The following PLA2G6 variants were observed in gnomAD, a reference collection of about 807,000 sequenced individuals.
The protein encoded by PLA2G6 is phospholipase A2 group VI, also known as 85/88 kDa calcium-independent phospholipase A2.
A neutral mutation model predicts 83.8 loss-of-function variants in PLA2G6; 62 were observed. The ratio of observed to expected loss-of-function variants is 0.74; its 90% CI spans 0.60 to 0.91. The LOEUF (loss-of-function observed/expected upper bound fraction) is 0.91. Among genes scored for constraint, PLA2G6 ranks in the 40% least tolerant of loss-of-function variants. The pLI is 0.00. For missense variants in PLA2G6, 944 were observed against 1,102.0 expected (o/e 0.86, Z 2.03); for synonymous variants, 417 against 449.8 (o/e 0.93, Z 0.92).
At position 38,111,818 on chromosome 22, in the gene PLA2G6, C is replaced by T. The variant is rs1323653165; in HGVS notation, c.*343G>A. 2.6e-5 allele frequency: 10 copies of T among 377,604 alleles called. No individual in the cohort carries two copies. Among genetic ancestry groups the T allele is most frequent in the South Asian group, 2.2e-4 (10 of 45,760 alleles). The allele number at this position is 377,604 out of a possible 1,614,324, so 23.4% of individuals were successfully genotyped here. ...CTGGGGCAGAGGCAGCCCGGCAGGC[C>T]CTCAGGGAGGCTGGGGCTGGGGGCA... On this transcript the variant is annotated 3_prime_UTR_variant, in exon 17 of 17. Transcript: ENST00000332509.
At chr22:38,134,883 C>T (rs2088447345) in intron 6 of PLA2G6, 105 bp downstream of exon 6, 1 of 740,528 alleles carries the variant, frequency 1.4e-6, no homozygotes, top group South Asian at 1.6e-5. Context: ...GGTCAGCCCC[C>T]AAGTGCTAGC....
rs1005791518 is a variant in PLA2G6, at chr22:38,115,880, T to C, written c.1879+195A>G. 3.4e-6 allele frequency: 5 copies of C among 1,479,950 alleles called. No individual in the cohort carries two copies. The African/African-American group carries it at 4.2e-5, about 12-fold the overall frequency. The allele number at this position is 1,479,950 out of a possible 1,614,324, so 91.7% of individuals were successfully genotyped here. ...GGAAGGCAGGTACAGCTGAGGACTT[T>C]CCAGGGACTTTTCTAACCTGCCAGG... On this transcript the variant is annotated intron_variant, in intron 13 of 16. Coordinates refer to ENST00000332509, the MANE Select transcript of PLA2G6 (RefSeq NM_003560.4).
chr22:38,175,194 G>C (rs767464896), intron 1 of PLA2G6, among the ~76,000 whole-genome samples: 4 of 152,152 alleles, frequency 2.6e-5, no homozygotes, highest in Non-Finnish European at 4.4e-5. Flanking sequence ...CGTCCTCCCT[G>C]GAATGCGCTC....
At position 38,119,745 on chromosome 22, in the gene PLA2G6, C is replaced by T. The variant is rs556154290; in HGVS notation, c.1742+1014G>A. Among the ~76,000 whole-genome samples the T allele has an allele frequency of 1.3e-3, 202 of 151,854 alleles. 1 individual carries two copies. Among genetic ancestry groups the T allele is most frequent in the African/African-American group, 4.8e-3 (197 of 41,396 alleles). ...GGAGGACTGCTTGAACCCAGGAGGT[C>T]GAGGCTGCAGTAAGCCGTGTTCACA... On this transcript the variant is annotated intron_variant, in intron 12 of 16. Transcript: ENST00000332509.
At chr22:38,145,935 G>A (rs2145833517) in intron 2 of PLA2G6, 2 of 435,322 alleles carry the variant, frequency 4.6e-6, no homozygotes, top group Middle Eastern at 7.1e-4. Context: ...GTGCGGTGGT[G>A]TGATCATGAC....
At chr22:38,143,053 G>A (rs762356074) in intron 4 of PLA2G6, 52 bp downstream of exon 4, 43 of 1,554,466 alleles carry the variant, frequency 2.8e-5, no homozygotes, top group South Asian at 1.8e-4. Flanking sequence ...AAAGGGAACC[G>A]TGGACACCGG....
chr22:38,129,179 C>A (rs1310890615), intron 8 of PLA2G6, among the ~76,000 whole-genome samples: 1 of 152,372 alleles, frequency 6.6e-6, no homozygotes, highest in African/African-American at 2.4e-5. Context: ...CCTGTCCCCA[C>A]CCCTGCTGGG....
chr22:38,176,615 C>T (rs748487056), intron 1 of PLA2G6, among the ~76,000 whole-genome samples: 29 of 152,222 alleles, frequency 1.9e-4, no homozygotes, highest in South Asian at 2.1e-4. Context: ...CTTCCTGTAG[C>T]TCCGTCTGTG....
intron 2 of PLA2G6, chr22:38,150,443 A>G (rs537144287): frequency 1.9e-4 from 29 of 152,314 alleles, no homozygotes; most frequent in African/African-American, 6.7e-4. Flanking sequence ...GTTACCTTAT[A>G]TGGTGCCATA....
chr22:38,148,140 T>C, intron 2 of PLA2G6: 1 of 259,912 alleles, frequency 3.8e-6, no homozygotes, highest in South Asian at 3.5e-5. Flanking sequence ...CACGGAGGCA[T>C]GCACGACCTT....
chr22:38,173,053 G>A (rs927505350), intron 1 of PLA2G6, among the ~76,000 whole-genome samples: 1 of 152,186 alleles, frequency 6.6e-6, no homozygotes, highest in African/African-American at 2.4e-5. Context: ...TGACAGCCAC[G>A]GGGCCACATC....
chr22:38,116,759 G>A (rs557874646), intron 12 of PLA2G6, among the ~76,000 whole-genome samples: 1 of 139,366 alleles, frequency 7.2e-6, no homozygotes, highest in East Asian at 2.2e-4. Context: ...GCTGAAGCAA[G>A]AGAATTGCTT....
At chr22:38,162,318 ATGCC>A (rs1358873907) in intron 2 of PLA2G6, among the ~76,000 whole-genome samples, 1 of 151,918 alleles carries the variant, frequency 6.6e-6, no homozygotes, top group African/African-American at 2.4e-5. Flanking sequence ...TGGGGTGGTG[ATGCC>A]AGGATGACGA....
intron 2 of PLA2G6, among the ~76,000 whole-genome samples, chr22:38,162,223 G>GAAAAAAAAAAAAAAAAAAA: frequency 1.0e-5 from 1 of 99,454 alleles, no homozygotes; most frequent in Non-Finnish European, 2.1e-5. Context: ...AAAAAAAAAA[G>GAAAAAAAAAAAAAAAAAAA]AAAAAAAAAA....
intron 2 of PLA2G6, among the ~76,000 whole-genome samples, chr22:38,159,556 G>C (rs116309898): frequency 6.6e-6 from 1 of 151,982 alleles, no homozygotes; most frequent in Admixed American, 6.6e-5. Flanking sequence ...TGATGAGACC[G>C]TGTCTCTACA....
At chr22:38,153,354 G>C (rs2089650523) in intron 2 of PLA2G6, among the ~76,000 whole-genome samples, 1 of 152,216 alleles carries the variant, frequency 6.6e-6, no homozygotes, top group African/African-American at 2.4e-5. Context: ...GCCCTGTCTG[G>C]GAAGTGAGGA....
chr22:38,118,053 AAG>A (rs2087312703), intron 12 of PLA2G6, among the ~76,000 whole-genome samples: 1 of 152,024 alleles, frequency 6.6e-6, no homozygotes, highest in South Asian at 2.1e-4. Flanking sequence ...AAAAAAAAGA[AAG>A]AAATAAGCCA....
chr22:38,148,859 CTTTTT>C (rs200966258), intron 2 of PLA2G6: 43 of 152,516 alleles, frequency 2.8e-4, no homozygotes, highest in East Asian at 7.9e-4. Context: ...TAGATTATTT[CTTTTT>C]TTTTTTTTTT....
chr22:38,149,689 T>C (rs926000258), intron 2 of PLA2G6: 5 of 152,060 alleles, frequency 3.3e-5, no homozygotes. Context: ...ATACCTGTAA[T>C]CCCACCACTT....
Sources: allele counts gnomAD v4.1 joint callset (sites outside exome capture counted in the v4.1 genomes callset), GRCh38; gene constraint gnomAD v4.1.1; transcripts MANE v1.5; gene names NCBI Gene and HGNC (gene_info 2026-07-23, HGNC 2026-07-21).